The following VKORC1L1 variants were observed in gnomAD, a reference collection of about 807,000 sequenced individuals.
VKORC1L1 encodes vitamin K epoxide reductase complex subunit 1L1.
In VKORC1L1, 2 loss-of-function variants were observed where a neutral mutation model predicts 18.9. That is an observed-to-expected ratio of 0.11 (90% confidence interval 0.04 to 0.33). The LOEUF (loss-of-function observed/expected upper bound fraction) is 0.33. Among genes scored for constraint, VKORC1L1 ranks in the 10% least tolerant of loss-of-function variants. The probability of loss-of-function intolerance (pLI) is 1.00; values close to 1 mark genes in which losing one functional copy is unlikely to be tolerated. For synonymous variants in VKORC1L1, 96 were observed against 100.0 expected, an observed-to-expected ratio of 0.96 and a Z score of 0.24; for missense variants, 123 against 224.1, an observed-to-expected ratio of 0.55 and a Z score of 2.88.
Position 65,958,683 on chromosome 7 carries a change from TTC to T in VKORC1L1, c.*4385_*4386del, listed in dbSNP as rs1184954571. On this transcript the variant is annotated 3_prime_UTR_variant, in exon 3 of 3. Transcript: ENST00000360768. ...TCATTTCTAAGGTATACAGGGTTGATTCTTTTTCTCTTAAATCATATGTAACT... is the reference window on the plus strand; with the variant it reads ...TCATTTCTAAGGTATACAGGGTTGATTTTTTCTCTTAAATCATATGTAACT... 6.6e-6 allele frequency: 1 copy of T among 152,208 alleles called. No individual in the cohort carries two copies. Among genetic ancestry groups the T allele is most frequent in the Non-Finnish European group, 1.5e-5 (1 of 68,036 alleles). The allele number at this position is 152,208 out of a possible 1,614,324, so 9.4% of individuals were successfully genotyped here.
Position 65,959,469 on chromosome 7 carries a change from A to T in VKORC1L1, c.*5169A>T, listed in dbSNP as rs1370296778. The T allele has an allele frequency of 6.6e-6, 1 of 152,268 alleles. No individual in the cohort carries two copies. The highest frequency in any genetic ancestry group is 6.5e-5 in the Admixed American group (1 of 15,284). The allele number at this position is 152,268 out of a possible 1,614,324, so 9.4% of individuals were successfully genotyped here. On this transcript the variant is annotated 3_prime_UTR_variant, in exon 3 of 3. Coordinates refer to ENST00000360768, the MANE Select transcript of VKORC1L1 (RefSeq NM_173517.6). Reference sequence around the variant, plus strand: ...GAAAAACTAAAGAGAAGTTGATAAAAAAAATACAGAAGCTCTAGATTCCTA... The same window carrying T: ...GAAAAACTAAAGAGAAGTTGATAAATAAAATACAGAAGCTCTAGATTCCTA...
At chr7:65,941,370 C>A (rs576145768) in intron 1 of VKORC1L1, among the ~76,000 whole-genome samples, 1 of 152,264 alleles carries the variant, frequency 6.6e-6, no homozygotes, top group African/African-American at 2.4e-5. Context: ...CCCACCATGG[C>A]CTCCCAAAGT....
chr7:65,899,866 G>A (rs1181012800), intron 1 of VKORC1L1, among the ~76,000 whole-genome samples: 2 of 152,072 alleles, frequency 1.3e-5, no homozygotes, highest in East Asian at 3.9e-4. Context: ...CAGGCGTGGT[G>A]GTACATGCCT....
chr7:65,882,564 C>A (rs1326133591), intron 1 of VKORC1L1, among the ~76,000 whole-genome samples: 1 of 151,988 alleles, frequency 6.6e-6, no homozygotes, highest in Non-Finnish European at 1.5e-5. Context: ...TTTTAAAATG[C>A]CATTTTATTT....
intron 1 of VKORC1L1, among the ~76,000 whole-genome samples, chr7:65,899,180 A>C (rs1369417469): frequency 6.6e-6 from 1 of 152,216 alleles, no homozygotes; most frequent in Non-Finnish European, 1.5e-5. Flanking sequence ...AGCCTGGTTT[A>C]TGACATGTTT....
intron 1 of VKORC1L1, among the ~76,000 whole-genome samples, chr7:65,877,203 A>C (rs1181457499): frequency 6.6e-6 from 1 of 152,236 alleles, no homozygotes; most frequent in Non-Finnish European, 1.5e-5. Flanking sequence ...AAATGCCTTT[A>C]AGTATAAGTT....
intron 1 of VKORC1L1, among the ~76,000 whole-genome samples, chr7:65,893,455 CA>C (rs1789141326): frequency 6.6e-6 from 1 of 152,168 alleles, no homozygotes. Context: ...GCAGGAGAAT[CA>C]CTTGAACCTG....
rs1199131883 is a variant in VKORC1L1, at chr7:65,936,409, G to A, written c.195-12262G>A. 3.3e-5 allele frequency among the ~76,000 whole-genome samples: 5 copies of A among 152,138 alleles called. No homozygotes were observed. In the East Asian group the frequency reaches 9.6e-4, roughly 29 times the overall value. ...GAGTATGTTTAAGAGTCTGGGTCCT[G>A]TTAACATCTGGAGAATAATGATTTT... On this transcript the variant is annotated intron_variant, in intron 1 of 2. Transcript: ENST00000360768.
At chr7:65,938,824 C>T (rs1392687780) in intron 1 of VKORC1L1, among the ~76,000 whole-genome samples, 2 of 152,110 alleles carry the variant, frequency 1.3e-5, no homozygotes, top group Non-Finnish European at 2.9e-5. Context: ...CAGCCGAGTC[C>T]GGGGAGCCCT....
chr7:65,895,468 AAAAAAAAAAAAAATATATATATAT>A (rs1158486256), intron 1 of VKORC1L1, among the ~76,000 whole-genome samples: 5 of 52,764 alleles, frequency 9.5e-5, no homozygotes, highest in Non-Finnish European at 1.4e-4. Context: ...AAAAAAAAAA[AAAAAAAAAAAAAATATATATATAT>A]ATATATATAT....
chr7:65,952,300 C>A (rs919248927), intron 2 of VKORC1L1, among the ~76,000 whole-genome samples: 2 of 152,218 alleles, frequency 1.3e-5, no homozygotes, highest in Admixed American at 6.5e-5. Context: ...CCACTCAACT[C>A]TTCTAGTATG....
rs183447413 is a variant in VKORC1L1, at chr7:65,950,049, C to G, written c.304+1269C>G. Among the ~76,000 whole-genome samples, 285 of 152,180 alleles carry G rather than the reference C, an allele frequency of 1.9e-3. 3 individuals are homozygous for G. The highest frequency in any genetic ancestry group is 6.7e-3 in the African/African-American group (278 of 41,554). ...TCAGTTCTTTGGTTTCCCTGAAGCTCCAGCGGTCTTTATTTTTAAGACATG... is the reference window on the plus strand; with the variant it reads ...TCAGTTCTTTGGTTTCCCTGAAGCTGCAGCGGTCTTTATTTTTAAGACATG... On this transcript the variant is annotated intron_variant, in intron 2 of 2. Transcript: ENST00000360768.
intron 1 of VKORC1L1, among the ~76,000 whole-genome samples, chr7:65,942,803 G>A (rs1314153126): frequency 1.3e-5 from 2 of 151,982 alleles, no homozygotes; most frequent in African/African-American, 4.8e-5. Context: ...TGGGATTCCA[G>A]GCATGAGCAC....
chr7:65,883,212 G>A (rs1172257008), intron 1 of VKORC1L1, among the ~76,000 whole-genome samples: 1 of 149,264 alleles, frequency 6.7e-6, no homozygotes, highest in Non-Finnish European at 1.5e-5. Context: ...TGCCATCTCG[G>A]CTCACTGCAA....
At chr7:65,870,997 G>A (rs1028626404), upstream of VKORC1L1, among the ~76,000 whole-genome samples, 6 of 152,086 alleles carry the variant, frequency 3.9e-5, no homozygotes, top group African/African-American at 7.2e-5. Context: ...TGTTGCTCAG[G>A]CTGGTCTTGA....
At chr7:65,901,035 A>C (rs1583835427) in intron 1 of VKORC1L1, among the ~76,000 whole-genome samples, 1 of 152,162 alleles carries the variant, frequency 6.6e-6, no homozygotes, top group East Asian at 1.9e-4. Context: ...GGATTTTGGA[A>C]ACTTGCCTAG....
At chr7:65,865,775 T>C in the VKORC1L1 span, among the ~76,000 whole-genome samples, 1 of 152,024 alleles carries the variant, frequency 6.6e-6, no homozygotes, top group East Asian at 1.9e-4. Context: ...ACTGGAAAAG[T>C]TCATCAACTA....
chr7:65,867,203 A>G, the VKORC1L1 span, among the ~76,000 whole-genome samples: 1 of 151,702 alleles, frequency 6.6e-6, no homozygotes, highest in East Asian at 1.9e-4. Flanking sequence ...AGAAAGAAGA[A>G]GGAGAAGGAG....
chr7:65,888,996 A>G (rs1228837415), intron 1 of VKORC1L1, among the ~76,000 whole-genome samples: 8 of 151,716 alleles, frequency 5.3e-5, no homozygotes, highest in Non-Finnish European at 1.0e-4. Flanking sequence ...CTACACATCA[A>G]CCTGCAGGGA....
Sources: allele counts gnomAD v4.1 joint callset (sites outside exome capture counted in the v4.1 genomes callset), GRCh38; gene constraint gnomAD v4.1.1; transcripts MANE v1.5; gene names NCBI Gene and HGNC (gene_info 2026-07-23, HGNC 2026-07-21).